CNTN5: variants seen among roughly 807,000 people sequenced by gnomAD.
CNTN5 encodes contactin 5.
Under a neutral mutation model 129.1 loss-of-function variants are expected in CNTN5, and 77 were observed. The ratio of observed to expected loss-of-function variants is 0.60; its 90% CI spans 0.50 to 0.72. The LOEUF is 0.72. Ranked by LOEUF, CNTN5 falls within the 30% of genes least tolerant of loss-of-function variation. The pLI is 0.00. For missense variants in CNTN5, 1,478 were observed against 1,328.8 expected, an observed-to-expected ratio of 1.11 and a Z score of -1.75; for synonymous variants, 509 against 465.6, an observed-to-expected ratio of 1.09 and a Z score of -1.20.
At chr11:99,520,437 T>C (rs560239288) in intron 2 of CNTN5, among the ~76,000 whole-genome samples, 45 of 152,228 alleles carry the variant, frequency 3.0e-4, no homozygotes, top group Middle Eastern at 3.4e-3. Context: ...ACAAGAAAGA[T>C]AGGATGATTA....
chr11:99,783,861 C>G (rs561446755), intron 3 of CNTN5, among the ~76,000 whole-genome samples: 6 of 151,516 alleles, frequency 4.0e-5, no homozygotes, highest in Non-Finnish European at 7.4e-5. Context: ...GGGAGATATA[C>G]CTAATGCTAG....
At chr11:99,792,289 G>A (rs1173829914) in intron 3 of CNTN5, among the ~76,000 whole-genome samples, 1 of 152,070 alleles carries the variant, frequency 6.6e-6, no homozygotes, top group Non-Finnish European at 1.5e-5. Flanking sequence ...CTAATTTCTT[G>A]AGAGTTTTTA....
chr11:99,766,380 T>G (rs147888126), intron 3 of CNTN5, among the ~76,000 whole-genome samples: 3 of 152,186 alleles, frequency 2.0e-5, no homozygotes, highest in Admixed American at 1.3e-4. Context: ...GAAAGTTTTA[T>G]GTGCTGTGTG....
chr11:99,398,801 G>C (rs1406476882), intron 2 of CNTN5, among the ~76,000 whole-genome samples: 1 of 151,710 alleles, frequency 6.6e-6, no homozygotes, highest in Non-Finnish European at 1.5e-5. Context: ...TATGAATAAA[G>C]CTACTCTAAA....
At position 99,661,534 on chromosome 11, in the gene CNTN5, T is replaced by C. The variant is rs567571505; in HGVS notation, c.55+105265T>C. On this transcript the variant is annotated intron_variant, in intron 3 of 24. Coordinates refer to ENST00000524871, the MANE Select transcript of CNTN5 (RefSeq NM_014361.4). ...ATTAGATTTTCTTTTAAAGTTACTA[T>C]ATGTGTATATGCATATATGTGTGTA... 2.2e-4 allele frequency among the ~76,000 whole-genome samples: 33 copies of C among 152,228 alleles called. 1 individual carries two copies. The South Asian group carries it at 6.4e-3, about 30-fold the overall frequency.
intron 15 of CNTN5, among the ~76,000 whole-genome samples, chr11:100,220,334 A>T (rs1442658783): frequency 4.6e-5 from 7 of 152,100 alleles, no homozygotes; most frequent in Admixed American, 1.3e-4. Flanking sequence ...CTAGGAAAAT[A>T]TTTTAACTCC....
intron 1 of CNTN5, among the ~76,000 whole-genome samples, chr11:99,124,824 C>T (rs1296161315): frequency 5.3e-5 from 8 of 151,764 alleles, no homozygotes; most frequent in African/African-American, 1.5e-4. Context: ...TTCTCAGAGA[C>T]TACTATAAAC....
At chr11:99,335,797 C>T (rs1362440942) in intron 2 of CNTN5, among the ~76,000 whole-genome samples, 1 of 151,986 alleles carries the variant, frequency 6.6e-6, no homozygotes, top group Non-Finnish European at 1.5e-5. Flanking sequence ...AACAAGCCTC[C>T]GTGGTGCTAG....
intron 13 of CNTN5, among the ~76,000 whole-genome samples, chr11:100,189,227 T>TA (rs1460836216): frequency 7.0e-6 from 1 of 143,786 alleles, no homozygotes; most frequent in Non-Finnish European, 1.5e-5. Context: ...CCCCTGGATC[T>TA]AAAATAAAAG....
Position 99,919,085 on chromosome 11 carries a change from T to C in CNTN5, c.673+2936T>C, listed in dbSNP as rs141922677. ...AAAACCCCTTCCTGCCTTTGTTTGG[T>C]GTGCTCTCATGACCAGACTTGGGAG... On this transcript the variant is annotated intron_variant, in intron 7 of 24. Transcript: ENST00000524871. Among the ~76,000 whole-genome samples, 59 of 152,272 alleles carry C rather than the reference T, an allele frequency of 3.9e-4. No homozygotes were observed. In the East Asian group the frequency reaches 0.011, roughly 29 times the overall value.
chr11:100,206,992 C>A (rs890415456), intron 15 of CNTN5, among the ~76,000 whole-genome samples: 2 of 151,940 alleles, frequency 1.3e-5, no homozygotes, highest in African/African-American at 4.8e-5. Flanking sequence ...AAAAATATAT[C>A]AATGTCAGGA....
At chr11:99,180,474 C>A (rs897093286) in intron 1 of CNTN5, among the ~76,000 whole-genome samples, 1 of 152,074 alleles carries the variant, frequency 6.6e-6, no homozygotes, top group Non-Finnish European at 1.5e-5. Context: ...TGTGACTGGG[C>A]TCAAGGAACA....
At chr11:100,238,927 T>G (rs1949681900) in intron 16 of CNTN5, among the ~76,000 whole-genome samples, 2 of 152,226 alleles carry the variant, frequency 1.3e-5, no homozygotes, top group African/African-American at 4.8e-5. Context: ...ACATTTTGAC[T>G]ACCTCTCCTT....
intron 3 of CNTN5, among the ~76,000 whole-genome samples, chr11:99,686,347 T>G (rs1190436169): frequency 6.6e-6 from 1 of 152,042 alleles, no homozygotes; most frequent in African/African-American, 2.4e-5. Context: ...TTGTCTAAAA[T>G]AAGTTTATTT....
At chr11:100,179,783 C>T (rs1049293657) in intron 13 of CNTN5, among the ~76,000 whole-genome samples, 2 of 151,998 alleles carry the variant, frequency 1.3e-5, no homozygotes, top group African/African-American at 4.8e-5. Context: ...ATCAAATTTG[C>T]ATTTACATAA....
At chr11:99,942,984 A>G (rs113018332) in intron 7 of CNTN5, among the ~76,000 whole-genome samples, 2,304 of 152,128 alleles carry the variant, frequency 0.015, 56 homozygotes, top group African/African-American at 0.052. Flanking sequence ...AGTCTTTGCT[A>G]TTGTAAACAG....
rs754569120 is a variant in CNTN5, at chr11:100,074,295, GT to G, written c.1580+3del. Reference sequence around the variant, plus strand: ...ACAGAGCAGTTAGAGAAAACAAAAGGTTAGAATCTATTTTATAATTCAAGTT... The same window carrying G: ...ACAGAGCAGTTAGAGAAAACAAAAGGTAGAATCTATTTTATAATTCAAGTT... On this transcript the variant is annotated splice_donor_variant, in intron 13 of 24. Transcript: ENST00000524871. LOFTEE classifies it high-confidence loss of function. 13 of 1,585,126 alleles carry G rather than the reference GT, an allele frequency of 8.2e-6. No homozygotes were observed. Among genetic ancestry groups the G allele is most frequent in the Middle Eastern group, 3.3e-4 (2 of 6,020 alleles).
chr11:100,160,304 G>A (rs370136932), intron 13 of CNTN5, among the ~76,000 whole-genome samples: 4 of 151,806 alleles, frequency 2.6e-5, no homozygotes, highest in South Asian at 2.1e-4. Flanking sequence ...CCACATTTTC[G>A]TTATCCAGTC....
At chr11:100,302,061 T>C (rs1951234568) in intron 20 of CNTN5, among the ~76,000 whole-genome samples, 1 of 151,352 alleles carries the variant, frequency 6.6e-6, no homozygotes, top group African/African-American at 2.4e-5. Context: ...ATAATAATAA[T>C]AAGTGGATTA....
Sources: allele counts gnomAD v4.1 joint callset (sites outside exome capture counted in the v4.1 genomes callset), GRCh38; gene constraint gnomAD v4.1.1; transcripts MANE v1.5; gene names NCBI Gene and HGNC (gene_info 2026-07-23, HGNC 2026-07-21).